HPSE2: variants seen among roughly 807,000 people sequenced by gnomAD.
HPSE2 encodes heparanase 2 (inactive), also known as inactive heparanase-2.
HPSE2 carries 38 observed loss-of-function variants against 60.5 expected under a neutral mutation model. The observed-to-expected ratio is 0.63, with a 90% CI of 0.48 to 0.82. HPSE2 has a LOEUF of 0.82. Among genes scored for constraint, HPSE2 ranks in the 40% least tolerant of loss-of-function variants. HPSE2 has a pLI of 0.00. For synonymous variants in HPSE2, 295 were observed against 293.2 expected, an observed-to-expected ratio of 1.01 and a Z score of -0.06; for missense variants, 713 against 740.4, an observed-to-expected ratio of 0.96 and a Z score of 0.43.
chr10:99,228,737 T>C (rs1362287829), intron 2 of HPSE2, among the ~76,000 whole-genome samples: 1 of 152,170 alleles, frequency 6.6e-6, no homozygotes, highest in East Asian at 1.9e-4. Flanking sequence ...CCAGTGAAGC[T>C]CCCAAAGTGA....
chr10:99,235,189 G>T (rs966178821), intron 1 of HPSE2, among the ~76,000 whole-genome samples: 1 of 151,824 alleles, frequency 6.6e-6, no homozygotes, highest in African/African-American at 2.4e-5. Flanking sequence ...TAACTGCTCT[G>T]AACCTCTTGT....
At chr10:98,527,025 AAGG>A (rs1383908043) in intron 9 of HPSE2, among the ~76,000 whole-genome samples, 1 of 152,118 alleles carries the variant, frequency 6.6e-6, no homozygotes, top group Non-Finnish European at 1.5e-5. Flanking sequence ...TGTGCATAAA[AAGG>A]AGCAGAATGT....
chr10:99,128,639 C>T (rs1845257861), intron 3 of HPSE2, among the ~76,000 whole-genome samples: 1 of 151,978 alleles, frequency 6.6e-6, no homozygotes, highest in Admixed American at 6.6e-5. Context: ...AGTGAGAACA[C>T]CTGGAACAGG....
the HPSE2 span, among the ~76,000 whole-genome samples, chr10:99,274,977 A>T: frequency 3.3e-5 from 5 of 152,324 alleles, no homozygotes; most frequent in Middle Eastern, 3.4e-3. Flanking sequence ...TCTCATGAAA[A>T]TTTTATTATT....
intron 9 of HPSE2, among the ~76,000 whole-genome samples, chr10:98,603,370 C>G (rs1229208273): frequency 6.6e-6 from 1 of 151,932 alleles, no homozygotes; most frequent in East Asian, 1.9e-4. Flanking sequence ...GGCAAAAATT[C>G]TTCATGCTTT....
intron 4 of HPSE2, among the ~76,000 whole-genome samples, chr10:98,740,378 G>A (rs1336493): frequency 0.92 from 139,410 of 152,008 alleles, 64,886 homozygotes; most frequent in East Asian, 1. Flanking sequence ...GTCTTGCTAT[G>A]CTGTGGCTGG....
intron 3 of HPSE2, among the ~76,000 whole-genome samples, chr10:98,998,436 G>A (rs7907604): frequency 0.16 from 24,121 of 152,090 alleles, 2,775 homozygotes; most frequent in African/African-American, 0.32. Context: ...AGAAGACCAC[G>A]GATTTCTTCA....
intron 3 of HPSE2, among the ~76,000 whole-genome samples, chr10:99,091,827 A>G (rs1482757126): frequency 6.6e-6 from 1 of 152,128 alleles, no homozygotes; most frequent in Non-Finnish European, 1.5e-5. Context: ...ATTCTCTCTC[A>G]TTAAAGGACA....
the HPSE2 span, among the ~76,000 whole-genome samples, chr10:99,252,023 GACTT>G: frequency 6.6e-6 from 1 of 152,024 alleles, no homozygotes. Flanking sequence ...AACAGAGTGA[GACTT>G]TGTCTTGAAA....
chr10:99,013,444 C>T (rs1313878760), intron 3 of HPSE2: 2 of 499,846 alleles, frequency 4.0e-6, no homozygotes, highest in Non-Finnish European at 7.5e-6. Context: ...CAATATCCTC[C>T]ATTAGGAAAT....
At chr10:99,204,022 T>A (rs1848662441) in intron 2 of HPSE2, among the ~76,000 whole-genome samples, 1 of 152,072 alleles carries the variant, frequency 6.6e-6, no homozygotes, top group South Asian at 2.1e-4. Context: ...GTGGATCTTA[T>A]AGACACAGAC....
intron 3 of HPSE2, among the ~76,000 whole-genome samples, chr10:98,996,507 A>T (rs139689684): frequency 2.2e-3 from 333 of 152,334 alleles, no homozygotes; most frequent in Non-Finnish European, 3.5e-3. Flanking sequence ...TTTTATGAGA[A>T]AAACGAAAAT....
intron 11 of HPSE2, among the ~76,000 whole-genome samples, chr10:98,465,967 T>C (rs913903823): frequency 6.6e-6 from 1 of 152,212 alleles, no homozygotes; most frequent in Non-Finnish European, 1.5e-5. Context: ...AAGTGTCAGT[T>C]TGGAGTCAAG....
chr10:98,731,420 C>T (rs1307916631), intron 4 of HPSE2, among the ~76,000 whole-genome samples: 1 of 152,114 alleles, frequency 6.6e-6, no homozygotes, highest in African/African-American at 2.4e-5. Flanking sequence ...TACACTATGA[C>T]CAAGTGGGAT....
At chr10:99,073,270 A>G (rs1214994199) in intron 3 of HPSE2, among the ~76,000 whole-genome samples, 1 of 152,204 alleles carries the variant, frequency 6.6e-6, no homozygotes, top group East Asian at 1.9e-4. Context: ...TGTGGTAGAG[A>G]TACACAATGG....
chr10:98,602,659 A>T (rs11189710), intron 9 of HPSE2, among the ~76,000 whole-genome samples: 62,890 of 152,016 alleles, frequency 0.41, 15,639 homozygotes, highest in Admixed American at 0.53. Context: ...ACCCTTACAT[A>T]TGTGGTCACT....
chr10:99,126,101 G>C lies in HPSE2; in HGVS notation c.610+18137C>G, dbSNP rs2135722977. Among the ~76,000 whole-genome samples the C allele has an allele frequency of 6.6e-6, 1 of 152,278 alleles. No homozygotes were observed. Among genetic ancestry groups the C allele is most frequent in the Non-Finnish European group, 1.5e-5 (1 of 68,024 alleles). Reference sequence around the variant, plus strand: ...TTCTCAGCAGGGAAGCTTACGACCTGGTGCAAGGTCTGAGTGAGGCACTGC... The same window carrying C: ...TTCTCAGCAGGGAAGCTTACGACCTCGTGCAAGGTCTGAGTGAGGCACTGC... On this transcript the variant is annotated intron_variant, in intron 3 of 11. Transcript: ENST00000370552. The surrounding 1 kb of genome is among the most constrained non-coding windows in gnomAD (Gnocchi z 4.0).
chr10:98,894,218 T>A (rs934703223), intron 3 of HPSE2, among the ~76,000 whole-genome samples: 1 of 151,878 alleles, frequency 6.6e-6, no homozygotes, highest in Admixed American at 6.6e-5. Flanking sequence ...GAAAAAATCA[T>A]CTCCAAATAA....
intron 3 of HPSE2, among the ~76,000 whole-genome samples, chr10:98,873,794 T>G (rs1952797827): frequency 6.6e-6 from 1 of 152,090 alleles, no homozygotes; most frequent in South Asian, 2.1e-4. Context: ...CACCATACTG[T>G]CTTCCTCAAT....
Sources: gnomAD v4.1 joint callset for allele counts (sites outside exome capture counted in the v4.1 genomes callset) on GRCh38, gnomAD v4.1.1 for gene constraint, Gnocchi (gnomAD v3.1) non-coding constraint, MANE v1.5 for transcripts, NCBI Gene and HGNC (gene_info 2026-07-23, HGNC 2026-07-21) for gene names.